SHANK2: variants seen among roughly 807,000 people sequenced by gnomAD.
The protein encoded by SHANK2 is SH3 and multiple ankyrin repeat domains 2, also known as SH3 and multiple ankyrin repeat domains protein 2.
SHANK2 carries 43 observed loss-of-function variants against 133.7 expected under a neutral mutation model. The observed-to-expected ratio is 0.32, with a 90% CI of 0.25 to 0.41. SHANK2 has a LOEUF of 0.41. SHANK2 is among the 10% of genes least tolerant of loss of function. SHANK2 has a pLI of 1.00. For synonymous variants in SHANK2, 1,017 were observed against 952.8 expected, an observed-to-expected ratio of 1.07 and a Z score of -1.24; for missense variants, 1,994 against 2,235.8, an observed-to-expected ratio of 0.89 and a Z score of 2.18.
In SHANK2 at chr11:70,514,300, A is replaced by T. The variant is rs140604113; in HGVS notation, c.2062-11369T>A. Among the ~76,000 whole-genome samples, 211 of 152,340 alleles carry T rather than the reference A, an allele frequency of 1.4e-3. 1 individual carries two copies. Among genetic ancestry groups the T allele is most frequent in the African/African-American group, 3.7e-3 (154 of 41,578 alleles). On this transcript the variant is annotated intron_variant, in intron 17 of 25. Transcript: ENST00000601538. ...CATTTCTGGTGAAAATTCTTTAAAGAATACAGGCAAAATAAAGACCTTTAT... is the reference window on the plus strand; with the variant it reads ...CATTTCTGGTGAAAATTCTTTAAAGTATACAGGCAAAATAAAGACCTTTAT...
At chr11:70,841,015 C>T (rs1177144526) in intron 11 of SHANK2, among the ~76,000 whole-genome samples, 2 of 152,234 alleles carry the variant, frequency 1.3e-5, no homozygotes, top group East Asian at 1.9e-4. Flanking sequence ...GTAATCCCAG[C>T]ATTTTGGGAG....
At chr11:70,542,532 AG>A (rs1479037815) in intron 17 of SHANK2, among the ~76,000 whole-genome samples, 1 of 152,132 alleles carries the variant, frequency 6.6e-6, no homozygotes, top group Non-Finnish European at 1.5e-5. Context: ...CAGCCCCTGG[AG>A]GTGCATGTGG....
At chr11:70,858,292 G>A (rs533551085) in intron 11 of SHANK2, among the ~76,000 whole-genome samples, 3 of 152,316 alleles carry the variant, frequency 2.0e-5, no homozygotes, top group South Asian at 2.1e-4. Flanking sequence ...TTTGTATTGC[G>A]CTGTGCGGCC....
At chr11:70,663,050 G>A (rs1483674235) in intron 15 of SHANK2, among the ~76,000 whole-genome samples, 1 of 152,170 alleles carries the variant, frequency 6.6e-6, no homozygotes, top group African/African-American at 2.4e-5. Context: ...GTCTTGCGGG[G>A]CTGTGTGTGA....
chr11:70,898,035 T>A lies in SHANK2; in HGVS notation c.1108-1468A>T, dbSNP rs1278607155. Among the ~76,000 whole-genome samples the A allele has an allele frequency of 3.3e-5, 5 of 150,930 alleles. No individual in the cohort carries two copies. The East Asian group carries it at 9.8e-4, about 30-fold the overall frequency. ...TGGAGTGCAGTGATGTGATCTTGGC[T>A]CACTGCAATCTCTGCCTCCCAGGCT... On this transcript the variant is annotated intron_variant, in intron 10 of 25. Coordinates refer to ENST00000601538, the MANE Select transcript of SHANK2 (RefSeq NM_012309.5).
At chr11:71,209,098 C>T (rs182459635) in intron 2 of SHANK2, among the ~76,000 whole-genome samples, 85 of 152,306 alleles carry the variant, frequency 5.6e-4, no homozygotes, top group African/African-American at 1.8e-3. Context: ...AAAAGCAGAA[C>T]GTCCCTCTCA....
chr11:70,691,845 G>C (rs1945295520), intron 15 of SHANK2, among the ~76,000 whole-genome samples: 1 of 152,200 alleles, frequency 6.6e-6, no homozygotes, highest in Non-Finnish European at 1.5e-5. Flanking sequence ...AGTAAGCTGA[G>C]AGCATGCCAT....
chr11:70,593,837 G>A (rs1157935713), intron 17 of SHANK2, among the ~76,000 whole-genome samples: 6 of 152,040 alleles, frequency 3.9e-5, no homozygotes, highest in Non-Finnish European at 5.9e-5. Flanking sequence ...TCGTTCGTTC[G>A]TTCATTCATT....
intron 10 of SHANK2, among the ~76,000 whole-genome samples, chr11:70,915,412 A>G (rs1255539207): frequency 1.3e-5 from 2 of 152,230 alleles, no homozygotes; most frequent in African/African-American, 2.4e-5. Context: ...ATGAGAGACA[A>G]TAATCCAAGA....
chr11:70,509,271 C>G (rs2059170587), intron 17 of SHANK2, among the ~76,000 whole-genome samples: 1 of 152,250 alleles, frequency 6.6e-6, no homozygotes, highest in South Asian at 2.1e-4. Context: ...CCTGCAGCAC[C>G]AGCTGTTGCC....
At chr11:70,747,580 G>C (rs1946665781) in intron 14 of SHANK2, among the ~76,000 whole-genome samples, 1 of 152,150 alleles carries the variant, frequency 6.6e-6, no homozygotes, top group Non-Finnish European at 1.5e-5. Context: ...TGGCCACCAG[G>C]CTTGCGTTGG....
chr11:71,195,768 T>C (rs782737673), intron 2 of SHANK2, among the ~76,000 whole-genome samples: 39 of 152,132 alleles, frequency 2.6e-4, no homozygotes, highest in Admixed American at 1.2e-3. Flanking sequence ...AAATTAAAAG[T>C]TTAATGCTAA....
chr11:70,859,770 T>C (rs1246719907), intron 11 of SHANK2, among the ~76,000 whole-genome samples: 3 of 152,128 alleles, frequency 2.0e-5, no homozygotes, highest in South Asian at 2.1e-4. Flanking sequence ...TACCCACAGA[T>C]TGGTTCTACC....
chr11:71,205,213 C>T (rs1565513503), intron 2 of SHANK2, among the ~76,000 whole-genome samples: 1 of 152,228 alleles, frequency 6.6e-6, no homozygotes, highest in Non-Finnish European at 1.5e-5. Flanking sequence ...GGACTCTCAG[C>T]ACGGGCCCAT....
At chr11:70,780,004 G>A (rs1947447740) in intron 14 of SHANK2, among the ~76,000 whole-genome samples, 1 of 152,138 alleles carries the variant, frequency 6.6e-6, no homozygotes, top group African/African-American at 2.4e-5. Context: ...GCAGGACTTG[G>A]ACCTATAAGG....
At chr11:70,746,799 C>A (rs1555036210) in intron 14 of SHANK2, among the ~76,000 whole-genome samples, 1 of 69,870 alleles carries the variant, frequency 1.4e-5, no homozygotes, top group Non-Finnish European at 2.7e-5. Context: ...CTCCTCTATG[C>A]CCCGCTGCCC....
intron 17 of SHANK2, among the ~76,000 whole-genome samples, chr11:70,636,319 G>A (rs2061081928): frequency 6.6e-6 from 1 of 152,320 alleles, no homozygotes; most frequent in East Asian, 1.9e-4. Flanking sequence ...GTGTGAGCGT[G>A]TGAATGTTAG....
At chr11:70,720,719 GC>G (rs782586953) in intron 14 of SHANK2, among the ~76,000 whole-genome samples, 2 of 152,210 alleles carry the variant, frequency 1.3e-5, no homozygotes, top group African/African-American at 4.8e-5. Flanking sequence ...GTATACATGT[GC>G]TGACACACGT....
At chr11:70,772,054 C>T (rs1425937644) in intron 14 of SHANK2, among the ~76,000 whole-genome samples, 4 of 152,098 alleles carry the variant, frequency 2.6e-5, no homozygotes, top group African/African-American at 7.2e-5. Context: ...GACAAAGAGC[C>T]CCTTGTTTAA....
Sources: gnomAD v4.1 joint callset for allele counts (sites outside exome capture counted in the v4.1 genomes callset) on GRCh38, gnomAD v4.1.1 for gene constraint, MANE v1.5 for transcripts, NCBI Gene and HGNC (gene_info 2026-07-23, HGNC 2026-07-21) for gene names.